GJE1: variants seen among roughly 807,000 people sequenced by gnomAD.
GJE1 encodes the protein gap junction epsilon-1 protein.
In GJE1, 9 loss-of-function variants were observed where a neutral mutation model predicts 6.2. The observed-to-expected ratio is 1.45, with a 90% CI of 0.87 to 2.52. The LOEUF (loss-of-function observed/expected upper bound fraction) is 2.52, where lower values mean the gene tolerates loss of function less well. Among genes scored for constraint, GJE1 ranks in the 30% most tolerant of loss-of-function variants. The pLI is 0.00. For synonymous variants in GJE1, 65 were observed against 30.1 expected (o/e 2.16, Z -3.80); for missense variants, 190 against 87.7 (o/e 2.17, Z -4.66).
intron 1 of GJE1, 47 bp from the exon 2 acceptor site, chr6:142,133,803 T>A: frequency 1.7e-6 from 1 of 594,328 alleles, no homozygotes; most frequent in Non-Finnish European, 3.1e-6. Flanking sequence ...ATGTCCTCCT[T>A]TAATGTTTGT....
rs749996093 is a variant in GJE1 at position 142,134,682 on chromosome 6, A to G, written c.378A>G (p.Leu126=). Residue 126 remains leucine (L), a synonymous_variant, in exon 3 of 3, where the codon CTA becomes CTG. Coordinates refer to ENST00000450456, the Ensembl canonical transcript of GJE1. ...TCTCTGTTTTATTAAGAATTAGTCT[A>G]GCGGCAATAGCATTCTGGCTTCAGA... 1.1e-5 allele frequency: 8 copies of G among 696,034 alleles called. No homozygotes were observed. In the South Asian group the frequency reaches 1.2e-4, roughly 11 times the overall value. 43.1% of individuals were successfully genotyped at this position (696,034 alleles called of 1,614,324 possible).
exon 3 of GJE1, chr6:142,135,039 A>G (rs1778227026): frequency 9.0e-6 from 4 of 446,420 alleles, no homozygotes; most frequent in African/African-American, 2.0e-5. Context: ...ATTTTTGTCT[A>G]CTATAAAATA....
upstream of GJE1, chr6:142,133,012 G>T: frequency 2.1e-6 from 1 of 474,494 alleles, no homozygotes; most frequent in African/African-American, 1.9e-5. Flanking sequence ...TAAGAGTAAA[G>T]GAGGAGGGGA....
At chr6:142,133,441 A>C (rs554750173) in intron 1 of GJE1, among the ~76,000 whole-genome samples, 1 of 152,176 alleles carries the variant, frequency 6.6e-6, no homozygotes, top group Non-Finnish European at 1.5e-5. Context: ...CAGAGGAAAA[A>C]AGCTTTAACT....
chr6:142,134,569 G>A (rs770641739), exon 3 of GJE1: 4 of 599,300 alleles, frequency 6.7e-6, no homozygotes, highest in Non-Finnish European at 1.2e-5. Flanking sequence ...CCTGGTTCCT[G>A]GAGCTCTTTT....
At chr6:142,134,832 A>G in exon 3 of GJE1, 1 of 667,138 alleles carries the variant, frequency 1.5e-6, no homozygotes, top group Non-Finnish European at 2.7e-6. Context: ...TCATTGCAAT[A>G]AATACATTTA....
At chr6:142,133,724 A>G in intron 1 of GJE1, 126 bp from the exon 2 acceptor site, 1 of 509,880 alleles carries the variant, frequency 2.0e-6, no homozygotes, top group Non-Finnish European at 3.5e-6. Context: ...GATGATCTCT[A>G]AGGGTCTATT....
Position 142,133,844 on chromosome 6 carries a change from T to C in GJE1, c.40-6T>C. 1 of 663,544 alleles carries C rather than the reference T, an allele frequency of 1.5e-6. No individual in the cohort carries two copies. Among genetic ancestry groups the C allele is most frequent in the Non-Finnish European group, 2.8e-6 (1 of 358,542 alleles). The allele number at this position is 663,544 out of a possible 1,614,324, so 41.1% of individuals were successfully genotyped here. A position where few individuals can be genotyped will look rare whatever the true frequency, so the allele number is the denominator to read the frequency against. ...AAAGATTTTTTTTCTCCTAAAACCA[T>C]AACAGGTTAAACCTCCAACTGTGAT... On this transcript the variant is annotated splice_region_variant and splice_polypyrimidine_tract_variant and intron_variant, in intron 1 of 2. Coordinates refer to ENST00000450456, the Ensembl canonical transcript of GJE1.
exon 3 of GJE1, chr6:142,134,951 GTTAT>G (rs1396296152): frequency 9.8e-6 from 5 of 507,678 alleles, no homozygotes; most frequent in Admixed American, 3.8e-5. Context: ...TCATGCTGCA[GTTAT>G]TTATCATTTT....
intron 1 of GJE1, 76 bp from the exon 2 acceptor site, chr6:142,133,774 G>T: frequency 3.7e-6 from 2 of 545,768 alleles, no homozygotes; most frequent in East Asian, 5.6e-5. Context: ...TTTTAAATGT[G>T]ATATAAGGAT....
intron 2 of GJE1, 116 bp from the exon 3 acceptor site, chr6:142,134,423 T>C: frequency 4.5e-6 from 2 of 444,968 alleles, no homozygotes; most frequent in Non-Finnish European, 7.9e-6. Flanking sequence ...TTTATGAAAC[T>C]TGGAATTTTT....
upstream of GJE1, chr6:142,133,065 G>A: frequency 1.8e-6 from 1 of 569,798 alleles, no homozygotes; most frequent in Non-Finnish European, 3.2e-6. Context: ...TAAGAGTCCT[G>A]AGAGAATGTA....
chr6:142,133,163 C>A, exon 1 of GJE1: 1 of 680,470 alleles, frequency 1.5e-6, no homozygotes, highest in Non-Finnish European at 2.7e-6. Flanking sequence ...TGAGACATGT[C>A]TCTAAATTAC....
exon 3 of GJE1, chr6:142,134,980 T>G: frequency 2.1e-6 from 1 of 483,556 alleles, no homozygotes. Flanking sequence ...TAGTTTTATC[T>G]TACTCAGTGA....
intron 1 of GJE1, 67 bp from the exon 2 acceptor site, chr6:142,133,783 A>AT (rs1224892449): frequency 1.1e-5 from 6 of 547,066 alleles, no homozygotes; most frequent in South Asian, 5.5e-5. Flanking sequence ...TGATATAAGG[A>AT]TTTTTTTAAA....
Position 142,133,831 on chromosome 6 carries a change from T to TC in GJE1, c.40-18dup. The stretch of plus-strand genomic sequence containing the variant: ...ATGTTTGTGTTTAAAAGATTTTTTT[T>TC]CTCCTAAAACCATAACAGGTTAAAC... On this transcript the variant is annotated intron_variant, in intron 1 of 2. Transcript: ENST00000450456. 3.3e-6 allele frequency: 2 copies of TC among 613,784 alleles called. No homozygotes were observed. The highest frequency in any genetic ancestry group is 3.0e-6 in the Non-Finnish European group (1 of 334,956). 38.0% of individuals were successfully genotyped at this position (613,784 alleles called of 1,614,324 possible).
At chr6:142,133,754 C>A (rs1393264901) in intron 1 of GJE1, 96 bp from the exon 2 acceptor site, 1 of 523,046 alleles carries the variant, frequency 1.9e-6, no homozygotes, top group African/African-American at 1.9e-5. Flanking sequence ...AACTTCTTGA[C>A]TCTTACATTT....
chr6:142,133,341 A>G (rs1311322184), intron 1 of GJE1, 144 bp downstream of exon 1: 1 of 411,716 alleles, frequency 2.4e-6, no homozygotes, highest in Non-Finnish European at 4.3e-6. Context: ...AATATTCTGA[A>G]TTTAAAACTA....
chr6:142,134,054 T>C lies in GJE1; in HGVS notation c.234+10T>C. On this transcript the variant is annotated intron_variant, in intron 2 of 2. Coordinates refer to ENST00000450456, the Ensembl canonical transcript of GJE1. ...ACAAGTAAGTTTTTCTGTGTGCACA[T>C]AAACATTAACTCTACAACAAACTCA... The C allele has an allele frequency of 1.5e-6, 1 of 665,464 alleles. No homozygotes were observed. The highest frequency in any genetic ancestry group is 2.8e-6 in the Non-Finnish European group (1 of 359,688). The allele number at this position is 665,464 out of a possible 1,614,324, so 41.2% of individuals were successfully genotyped here.
Sources: allele counts gnomAD v4.1 joint callset (sites outside exome capture counted in the v4.1 genomes callset), GRCh38; gene constraint gnomAD v4.1.1; transcripts MANE v1.5; gene names NCBI Gene and HGNC (gene_info 2026-07-23, HGNC 2026-07-21).